The following STPG4 variants were observed in gnomAD, a reference collection of about 807,000 sequenced individuals.
STPG4 encodes the protein protein STPG4.
STPG4 carries 41 observed loss-of-function variants against 31.5 expected under a neutral mutation model. That is an observed-to-expected ratio of 1.30 (90% CI 1.01 to 1.69). STPG4 has a LOEUF of 1.69. STPG4 is among the 40% of genes most tolerant of loss of function. The probability of loss-of-function intolerance (pLI) is 0.00; values close to 1 mark genes in which losing one functional copy is unlikely to be tolerated. For missense variants in STPG4, 375 were observed against 293.4 expected, an observed-to-expected ratio of 1.28 and a Z score of -2.03; for synonymous variants, 141 against 103.0, an observed-to-expected ratio of 1.37 and a Z score of -2.24.
At chr2:47,142,682 G>GA (rs1283888034) in intron 3 of STPG4, among the ~76,000 whole-genome samples, 2 of 151,810 alleles carry the variant, frequency 1.3e-5, no homozygotes, top group Non-Finnish European at 2.9e-5. Context: ...TTTCTCAGGG[G>GA]AAAAAAGTAT....
At chr2:47,116,139 G>T (rs1339810368) in intron 5 of STPG4, among the ~76,000 whole-genome samples, 1 of 152,178 alleles carries the variant, frequency 6.6e-6, no homozygotes, top group African/African-American at 2.4e-5. Flanking sequence ...TTTGCCCAAG[G>T]GGCCTATGTC....
chr2:47,124,455 C>CTCTA (rs1244414616), intron 5 of STPG4, among the ~76,000 whole-genome samples: 2 of 152,136 alleles, frequency 1.3e-5, no homozygotes, highest in African/African-American at 2.4e-5. Context: ...TCCTTCTACT[C>CTCTA]TCTATCTGCA....
chr2:47,130,602 G>C (rs948635269), intron 3 of STPG4, among the ~76,000 whole-genome samples: 9 of 151,906 alleles, frequency 5.9e-5, no homozygotes, highest in African/African-American at 2.2e-4. Flanking sequence ...TGCAGCCTCC[G>C]CCTCCCCAGT....
chr2:47,107,967 C>T (rs1181578044), intron 5 of STPG4, among the ~76,000 whole-genome samples: 1 of 151,160 alleles, frequency 6.6e-6, no homozygotes, highest in African/African-American at 2.4e-5. Flanking sequence ...CCAATCGGCA[C>T]TCTGTATCTA....
chr2:47,152,160 C>T (rs1686951661), intron 2 of STPG4, among the ~76,000 whole-genome samples: 1 of 151,832 alleles, frequency 6.6e-6, no homozygotes, highest in Non-Finnish European at 1.5e-5. Flanking sequence ...TCAGGATAGT[C>T]TCTTGGCTAA....
chr2:47,102,145 G>A (rs6707310), intron 5 of STPG4, among the ~76,000 whole-genome samples: 53,768 of 141,748 alleles, frequency 0.38, 10,090 homozygotes, highest in African/African-American at 0.46. Flanking sequence ...AGCAGGGTCC[G>A]GGGACCGTTG....
intron 5 of STPG4, among the ~76,000 whole-genome samples, chr2:47,099,594 T>G (rs1380660116): frequency 2.0e-5 from 3 of 152,290 alleles, no homozygotes; most frequent in African/African-American, 7.2e-5. Context: ...CCTCGCTCGC[T>G]CTCGGCGCCT....
At chr2:47,144,843 G>A (rs1218443052) in intron 3 of STPG4, among the ~76,000 whole-genome samples, 1 of 152,142 alleles carries the variant, frequency 6.6e-6, no homozygotes, top group Non-Finnish European at 1.5e-5. Flanking sequence ...CGATTCTCCT[G>A]CCTCAGCCTC....
intron 5 of STPG4, chr2:47,129,731 A>G: frequency 1.8e-6 from 1 of 540,988 alleles, no homozygotes; most frequent in Non-Finnish European, 3.2e-6. Context: ...TCCTTGATAC[A>G]ATGTTAAAAC....
chr2:47,099,335 T>G (rs1013738529), intron 5 of STPG4, among the ~76,000 whole-genome samples: 12 of 152,208 alleles, frequency 7.9e-5, no homozygotes, highest in Non-Finnish European at 1.2e-4. Context: ...AACCCTCTCC[T>G]CCCACTTCCC....
At chr2:47,096,583 C>G (rs777183439) in intron 5 of STPG4, among the ~76,000 whole-genome samples, 1 of 152,198 alleles carries the variant, frequency 6.6e-6, no homozygotes, top group Non-Finnish European at 1.5e-5. Context: ...AGTAGGAATT[C>G]TCTTCCATTC....
chr2:47,102,065 G>C (rs1685812855), intron 5 of STPG4, among the ~76,000 whole-genome samples: 1 of 151,802 alleles, frequency 6.6e-6, no homozygotes, highest in African/African-American at 2.4e-5. Context: ...ACCTTCTTTG[G>C]TCCTCCATGT....
chr2:47,121,791 T>G (rs865820700), intron 5 of STPG4, among the ~76,000 whole-genome samples: 106 of 152,176 alleles, frequency 7.0e-4, no homozygotes, highest in African/African-American at 2.5e-3. Context: ...CAGCATTTCT[T>G]GACTTGTGGC....
chr2:47,129,584 T>TCC, intron 5 of STPG4: 1 of 216,248 alleles, frequency 4.6e-6, no homozygotes, highest in East Asian at 1.2e-4. Context: ...CCGTGCAAAG[T>TCC]CCCCCCGTCA....
intron 5 of STPG4, among the ~76,000 whole-genome samples, chr2:47,105,775 G>C (rs1685898224): frequency 6.6e-6 from 1 of 151,976 alleles, no homozygotes; most frequent in Admixed American, 6.6e-5. Flanking sequence ...CTTAAAACTG[G>C]GAAAGGGAAA....
intron 1 of STPG4, among the ~76,000 whole-genome samples, chr2:47,153,397 C>G (rs1307917006): frequency 6.6e-6 from 1 of 152,108 alleles, no homozygotes; most frequent in Non-Finnish European, 1.5e-5. Flanking sequence ...GGTGAGTTAC[C>G]CAACCCTCGT....
chr2:47,121,415 C>T (rs1686270303), intron 5 of STPG4, among the ~76,000 whole-genome samples: 1 of 152,142 alleles, frequency 6.6e-6, no homozygotes. Context: ...AGAACACTGA[C>T]AGCTGGCTTA....
At chr2:47,121,267 T>C (rs184951806) in intron 5 of STPG4, 2 of 154,148 alleles carry the variant, frequency 1.3e-5, no homozygotes, top group African/African-American at 4.8e-5. Flanking sequence ...AGTTTAGTTC[T>C]GAGGGGACTG....
At position 47,140,193 on chromosome 2, in the gene STPG4, G is replaced by A. The variant is rs181227268; in HGVS notation, c.400-9933C>T. On this transcript the variant is annotated intron_variant, in intron 3 of 6. Transcript: ENST00000445927. ...TCAGCTACCTCCTCACCCTTAGGTG[G>A]CACAGGATGACTAAAGCTGGCTGGA... Among the ~76,000 whole-genome samples the A allele has an allele frequency of 3.4e-3, 516 of 152,244 alleles. 1 individual carries two copies. The highest frequency in any genetic ancestry group is 6.4e-3 in the Non-Finnish European group (434 of 68,014).
Sources: allele counts gnomAD v4.1 joint callset (sites outside exome capture counted in the v4.1 genomes callset), GRCh38; gene constraint gnomAD v4.1.1; transcripts MANE v1.5; gene names NCBI Gene and HGNC (gene_info 2026-07-23, HGNC 2026-07-21).